Variants in KIAA1549L observed in about 807,000 individuals in gnomAD.
KIAA1549L encodes KIAA1549 like, also known as UPF0606 protein KIAA1549L.
A neutral mutation model predicts 160.7 loss-of-function variants in KIAA1549L; 88 were observed. That is an observed-to-expected ratio of 0.55 (90% confidence interval 0.46 to 0.65). KIAA1549L has a LOEUF of 0.65. Among genes scored for constraint, KIAA1549L ranks in the 30% least tolerant of loss-of-function variants. KIAA1549L has a pLI of 0.00. For missense variants in KIAA1549L, 2,258 were observed against 2,437.5 expected (o/e 0.93, Z 1.55); for synonymous variants, 950 against 976.7 (o/e 0.97, Z 0.51).
At chr11:33,562,294 A>G (rs7949404) in intron 8 of KIAA1549L, among the ~76,000 whole-genome samples, 61,517 of 152,092 alleles carry the variant, frequency 0.4, 12,572 homozygotes, top group Middle Eastern at 0.54. Flanking sequence ...GTTTTTCAAA[A>G]GCCAGACAGT....
intron 1 of KIAA1549L, among the ~76,000 whole-genome samples, chr11:33,419,019 C>T (rs1204701526): frequency 1.3e-5 from 2 of 151,886 alleles, no homozygotes; most frequent in East Asian, 3.9e-4. Flanking sequence ...ACCACAGGCA[C>T]TTGCCACTGT....
chr11:33,592,459 A>T (rs975982173), intron 12 of KIAA1549L, among the ~76,000 whole-genome samples: 1 of 152,240 alleles, frequency 6.6e-6, no homozygotes, highest in African/African-American at 2.4e-5. Flanking sequence ...GGCTAAACCA[A>T]CATGCGTTGT....
intron 17 of KIAA1549L, among the ~76,000 whole-genome samples, chr11:33,652,520 C>T (rs942806274): frequency 1.3e-5 from 2 of 152,186 alleles, no homozygotes; most frequent in African/African-American, 4.8e-5. Context: ...CATCAGTTCT[C>T]TTGGTGAACT....
chr11:33,648,058 A>C (rs2133411318), intron 17 of KIAA1549L, among the ~76,000 whole-genome samples: 3 of 152,248 alleles, frequency 2.0e-5, no homozygotes, highest in Middle Eastern at 3.4e-3. Flanking sequence ...GCAGTGGCGC[A>C]ATCTTGGCTC....
At chr11:33,467,521 T>C (rs1852088569) in intron 1 of KIAA1549L, among the ~76,000 whole-genome samples, 1 of 152,212 alleles carries the variant, frequency 6.6e-6, no homozygotes, top group Non-Finnish European at 1.5e-5. Context: ...AAGGAGAGGT[T>C]GGTAAGGCCC....
intron 10 of KIAA1549L, among the ~76,000 whole-genome samples, chr11:33,582,619 A>G (rs1364047855): frequency 6.6e-6 from 1 of 152,228 alleles, no homozygotes; most frequent in Non-Finnish European, 1.5e-5. Context: ...ACACCCATGT[A>G]ACCCAACTCT....
Position 33,544,806 on chromosome 11 carries a change from C to A in KIAA1549L, c.2813C>A (p.Ala938Asp). 1 of 1,608,324 alleles carries A rather than the reference C, an allele frequency of 6.2e-7. No homozygotes were observed. Among genetic ancestry groups the A allele is most frequent in the Non-Finnish European group, 8.5e-7 (1 of 1,175,498 alleles). ...TCTAAGGTACAGCCAACAGCAGCAG[C>A]TGCCGTCACATTGTTTCTGAGGAAA... ...VSSKVQPTAA[A>D]AVTLFLRKSS... Residue 938 changes from alanine to aspartate, a missense_variant, in exon 3 of 21, where the codon GCT becomes GAT. By Grantham distance (126) the Ala-to-Asp change is moderately radical. Coordinates refer to ENST00000658780, the MANE Select transcript of KIAA1549L (RefSeq NM_012194.3).
intron 1 of KIAA1549L, among the ~76,000 whole-genome samples, chr11:33,538,033 C>T (rs1201248722): frequency 1.3e-5 from 2 of 152,164 alleles, no homozygotes; most frequent in Non-Finnish European, 2.9e-5. Flanking sequence ...AATTGACTCA[C>T]AGATCAGCAT....
rs1852729958 is a variant in KIAA1549L at position 33,674,065 on chromosome 11, T to C, written c.*5911T>C. On this transcript the variant is annotated 3_prime_UTR_variant, in exon 21 of 21. Coordinates refer to ENST00000658780, the MANE Select transcript of KIAA1549L (RefSeq NM_012194.3). ...GTTCATATGCTGTTAGAATTTTTTATTGTAAAATAAAATGACAAAGGCTTT... is the reference window on the plus strand; with the variant it reads ...GTTCATATGCTGTTAGAATTTTTTACTGTAAAATAAAATGACAAAGGCTTT... 2.0e-5 allele frequency: 3 copies of C among 152,208 alleles called. No individual in the cohort carries two copies. The South Asian group carries it at 6.2e-4, about 31-fold the overall frequency. 9.4% of individuals were successfully genotyped at this position (152,208 alleles called of 1,614,324 possible).
chr11:33,473,586 A>G (rs933726960), intron 1 of KIAA1549L, among the ~76,000 whole-genome samples: 8 of 152,294 alleles, frequency 5.3e-5, no homozygotes, highest in Admixed American at 3.9e-4. Flanking sequence ...CAAGCAGCCT[A>G]CTATAGTGTC....
chr11:33,628,824 C>CAT (rs1040433371), intron 16 of KIAA1549L, among the ~76,000 whole-genome samples: 25 of 151,572 alleles, frequency 1.6e-4, no homozygotes, highest in African/African-American at 5.8e-4. Context: ...TTGATCCTGT[C>CAT]ATTATGATGT....
intron 6 of KIAA1549L, among the ~76,000 whole-genome samples, chr11:33,552,531 C>G (rs1471368873): frequency 6.6e-6 from 1 of 151,998 alleles, no homozygotes; most frequent in Non-Finnish European, 1.5e-5. Flanking sequence ...CTGTATATGT[C>G]AAATTTCTAA....
At position 33,551,123 on chromosome 11, in the gene KIAA1549L, G is replaced by A. The variant is rs748909246; in HGVS notation, c.3585G>A (p.Val1195=). Residue 1195 remains valine (V), a synonymous_variant, in exon 5 of 21, where the codon GTG becomes GTA. Coordinates refer to ENST00000658780, the MANE Select transcript of KIAA1549L (RefSeq NM_012194.3). ...AGTTGGTGTATTTGCCTGCTGTGGT[G>A]ATCGAAATGCTGGGTGTGTATGGAG... The part of the protein sequence containing the change: ...KGKLVYLPAV[V]IEMLGVYGVS... 6 of 1,613,880 alleles carry A rather than the reference G, an allele frequency of 3.7e-6. No individual in the cohort carries two copies. Among genetic ancestry groups the A allele is most frequent in the South Asian group, 1.1e-5 (1 of 91,088 alleles).
chr11:33,444,298 TATATC>T (rs1209271049), intron 1 of KIAA1549L, among the ~76,000 whole-genome samples: 1 of 151,866 alleles, frequency 6.6e-6, no homozygotes, highest in African/African-American at 2.4e-5. Context: ...TTAATTATGT[TATATC>T]TATATAATAA....
At chr11:33,554,056 G>T (rs189868344) in intron 6 of KIAA1549L, among the ~76,000 whole-genome samples, 4 of 151,984 alleles carry the variant, frequency 2.6e-5, no homozygotes, top group Admixed American at 2.0e-4. Flanking sequence ...TTTTTGCCTC[G>T]GCTGACAGGA....
Position 33,668,598 on chromosome 11 carries a change from A to G in KIAA1549L, c.*444A>G, listed in dbSNP as rs1161705554. 1 of 177,378 alleles carries G rather than the reference A, an allele frequency of 5.6e-6. No homozygotes were observed. Among genetic ancestry groups the G allele is most frequent in the Non-Finnish European group, 1.2e-5 (1 of 82,310 alleles). The allele number at this position is 177,378 out of a possible 1,614,324, so 11.0% of individuals were successfully genotyped here. A position where few individuals can be genotyped will look rare whatever the true frequency, so the allele number is the denominator to read the frequency against. On this transcript the variant is annotated 3_prime_UTR_variant, in exon 21 of 21. Transcript: ENST00000658780. ...TGCAGGAGTGTGGATTAAGCACCAGACTGTATTCTCATTCAACCATGACCG... is the reference window on the plus strand; with the variant it reads ...TGCAGGAGTGTGGATTAAGCACCAGGCTGTATTCTCATTCAACCATGACCG...
intron 1 of KIAA1549L, among the ~76,000 whole-genome samples, chr11:33,396,548 T>A (rs969953694): frequency 3.9e-5 from 6 of 152,184 alleles, no homozygotes; most frequent in Non-Finnish European, 8.8e-5. Context: ...ATCCTTCTTA[T>A]GGCATTGCGT....
At chr11:33,611,368 A>G (rs1850645080) in intron 15 of KIAA1549L, among the ~76,000 whole-genome samples, 1 of 152,242 alleles carries the variant, frequency 6.6e-6, no homozygotes, top group Non-Finnish European at 1.5e-5. Flanking sequence ...TGACTTTGTG[A>G]CAGGCTTGGA....
chr11:33,646,252 C>G (rs1851720999), intron 17 of KIAA1549L, among the ~76,000 whole-genome samples: 1 of 152,206 alleles, frequency 6.6e-6, no homozygotes, highest in Non-Finnish European at 1.5e-5. Flanking sequence ...TCCCTTCTTT[C>G]CAGCCATAAT....
Sources: allele counts gnomAD v4.1 joint callset (sites outside exome capture counted in the v4.1 genomes callset), GRCh38; gene constraint gnomAD v4.1.1; transcripts MANE v1.5; gene names NCBI Gene and HGNC (gene_info 2026-07-23, HGNC 2026-07-21).